CYP3A4: variants seen among roughly 807,000 people sequenced by gnomAD.
CYP3A4 encodes cytochrome P450 family 3 subfamily A member 4, also known as cytochrome P450 3A4.
CYP3A4 carries 41 observed loss-of-function variants against 54.9 expected under a neutral mutation model. The ratio of observed to expected loss-of-function variants is 0.75; its 90% confidence interval spans 0.58 to 0.97. The LOEUF is 0.97. CYP3A4 is among the 50% of genes least tolerant of loss of function. The pLI is 0.00. For missense variants in CYP3A4, 510 were observed against 597.3 expected (o/e 0.85, Z 1.52); for synonymous variants, 179 against 205.2 (o/e 0.87, Z 1.09).
At chr7:99,783,178 TAGTAAG>T (rs1563046984) in intron 1 of CYP3A4, among the ~76,000 whole-genome samples, 1 of 152,142 alleles carries the variant, frequency 6.6e-6, no homozygotes, top group Non-Finnish European at 1.5e-5. Flanking sequence ...TCCCAAATCT[TAGTAAG>T]AGTGAAATTG....
chr7:99,764,121 A>G (rs1815419046), intron 9 of CYP3A4, 106 bp from the exon 10 acceptor site: 2 of 1,533,702 alleles, frequency 1.3e-6, no homozygotes, highest in East Asian at 4.6e-5. Flanking sequence ...AAGGGAAAAG[A>G]ATAGAAAAGC....
intron 2 of CYP3A4, among the ~76,000 whole-genome samples, chr7:99,778,665 A>G (rs1815834724): frequency 6.6e-6 from 1 of 152,224 alleles, no homozygotes; most frequent in Non-Finnish European, 1.5e-5. Flanking sequence ...CCAGTTTTCC[A>G]GCTTAACATG....
intron 4 of CYP3A4, among the ~76,000 whole-genome samples, chr7:99,772,129 CAG>C (rs1438244373): frequency 6.6e-6 from 1 of 152,140 alleles, no homozygotes; most frequent in African/African-American, 2.4e-5. Flanking sequence ...TGGACCCTGT[CAG>C]AGAAAAAGAC....
chr7:99,783,655 C>T (rs1815984434), intron 1 of CYP3A4, among the ~76,000 whole-genome samples: 1 of 131,994 alleles, frequency 7.6e-6, no homozygotes, highest in Non-Finnish European at 1.6e-5. Flanking sequence ...GTCACCCAGG[C>T]TGAAGTGCAC....
intron 7 of CYP3A4, 131 bp downstream of exon 7, chr7:99,768,223 T>C: frequency 9.2e-7 from 1 of 1,085,978 alleles, no homozygotes. Flanking sequence ...TGGTCACACA[T>C]ATCTTCAAAT....
At chr7:99,765,584 G>A (rs1370947667) in intron 9 of CYP3A4, among the ~76,000 whole-genome samples, 1 of 152,166 alleles carries the variant, frequency 6.6e-6, no homozygotes, top group Non-Finnish European at 1.5e-5. Context: ...ATTTAAAGCA[G>A]TATGCTGGAG....
At chr7:99,764,709 T>C (rs1354414744) in intron 9 of CYP3A4, among the ~76,000 whole-genome samples, 1 of 152,196 alleles carries the variant, frequency 6.6e-6, no homozygotes, top group Non-Finnish European at 1.5e-5. Context: ...ACGGATTATA[T>C]CTTTGAGAGG....
intron 4 of CYP3A4, 97 bp from the exon 5 acceptor site, chr7:99,770,332 AT>A: frequency 1.0e-6 from 1 of 970,026 alleles, no homozygotes; most frequent in Non-Finnish European, 1.5e-6. Context: ...TTCAACAACT[AT>A]TTAGTGACTG....
intron 7 of CYP3A4, 74 bp downstream of exon 7, chr7:99,768,280 G>C: frequency 1.4e-6 from 2 of 1,431,910 alleles, no homozygotes; most frequent in South Asian, 1.2e-5. Context: ...TGAATTACAT[G>C]GTGATTTATA....
intron 4 of CYP3A4, among the ~76,000 whole-genome samples, chr7:99,772,156 T>C (rs1430510225): frequency 6.6e-6 from 1 of 152,188 alleles, no homozygotes; most frequent in Non-Finnish European, 1.5e-5. Context: ...GACTGTAGGA[T>C]AGCAGGAGGG....
intron 8 of CYP3A4, 101 bp downstream of exon 8, chr7:99,767,030 C>A: frequency 9.0e-7 from 1 of 1,109,446 alleles, no homozygotes; most frequent in Non-Finnish European, 1.3e-6. Flanking sequence ...ATGTTAAAAG[C>A]ATTCTTTAAA....
At chr7:99,772,783 A>G in intron 3 of CYP3A4, 94 bp from the exon 4 acceptor site, 1 of 1,271,282 alleles carries the variant, frequency 7.9e-7, no homozygotes. Context: ...CTGACTTTAC[A>G]TAATCCCTTA....
intron 3 of CYP3A4, among the ~76,000 whole-genome samples, chr7:99,774,559 T>C (rs1374231995): frequency 6.6e-6 from 1 of 152,112 alleles, no homozygotes; most frequent in Non-Finnish European, 1.5e-5. Context: ...ATAAATGTAA[T>C]CCATCACATA....
intron 2 of CYP3A4, among the ~76,000 whole-genome samples, 178 bp downstream of exon 2, chr7:99,779,814 T>C (rs1017987923): frequency 1.3e-5 from 2 of 152,188 alleles, no homozygotes; most frequent in African/African-American, 4.8e-5. Context: ...CTGAGGTTCC[T>C]GAGAGTTAGC....
intron 1 of CYP3A4, 143 bp from the exon 2 acceptor site, chr7:99,780,228 A>G (rs1290013218): frequency 2.5e-6 from 2 of 794,148 alleles, no homozygotes; most frequent in Non-Finnish European, 4.0e-6. Context: ...CTCTGACGGC[A>G]ATGATTATAT....
chr7:99,772,640 T>C lies in CYP3A4; in HGVS notation c.268A>G (p.Ile90Val), dbSNP rs1265327980. The change falls in exon 4 of 13, where the codon ATC (isoleucine) becomes GTC (valine). Residue 90 changes from isoleucine (I) to valine (V), a missense_variant. By Grantham distance (29) the Ile-to-Val change is conservative. Around this residue, in one of 2 missense-constraint regions of CYP3A4, gnomAD observed 272 missense variants for 274.9 expected, o/e 0.99. Coordinates refer to ENST00000651514, the MANE Select transcript of CYP3A4 (RefSeq NM_017460.6). ...PVLAITDPDM[I>V]KTVLVKECYS... ...CATTCTTTCACTAGCACTGTTTTGA[T>C]CATGTCAGGATCTGTGATAGCCAGC... 1 of 1,613,518 alleles carries C rather than the reference T, an allele frequency of 6.2e-7. No homozygotes were observed. Among genetic ancestry groups the C allele is most frequent in the Non-Finnish European group, 8.5e-7 (1 of 1,179,548 alleles).
chr7:99,766,844 G>A (rs538558674), intron 8 of CYP3A4: 167 of 358,016 alleles, frequency 4.7e-4, no homozygotes, highest in Non-Finnish European at 7.3e-4. Flanking sequence ...TTATTGAAGG[G>A]AAGTAAAGTG....
intron 10 of CYP3A4, among the ~76,000 whole-genome samples, chr7:99,762,863 A>C (rs1395241689): frequency 5.3e-5 from 8 of 152,158 alleles, no homozygotes; most frequent in Non-Finnish European, 1.0e-4. Flanking sequence ...GTAATCTCTG[A>C]AGAACATCCC....
At chr7:99,779,440 A>G (rs1403500700) in intron 2 of CYP3A4, among the ~76,000 whole-genome samples, 3 of 152,154 alleles carry the variant, frequency 2.0e-5, no homozygotes, top group East Asian at 1.9e-4. Flanking sequence ...AGCCATGGAG[A>G]TACCCTCAGG....
Sources: gnomAD v4.1 joint callset for allele counts (sites outside exome capture counted in the v4.1 genomes callset) on GRCh38, gnomAD v4.1.1 for gene constraint, gnomAD v4.1.1 regional missense constraint, MANE v1.5 for transcripts, NCBI Gene and HGNC (gene_info 2026-07-23, HGNC 2026-07-21) for gene names.